The following PAG1 variants were observed in gnomAD, a reference collection of about 807,000 sequenced individuals.
PAG1 encodes the protein phosphoprotein membrane anchor with glycosphingolipid microdomains 1.
In PAG1, 23 loss-of-function variants were observed where a neutral mutation model predicts 31.7. The observed-to-expected ratio is 0.73, with a 90% confidence interval of 0.52 to 1.03. PAG1 has a LOEUF of 1.03. PAG1 is among the 50% of genes least tolerant of loss of function. PAG1 has a pLI of 0.00. For synonymous variants in PAG1, 214 were observed against 210.3 expected, an observed-to-expected ratio of 1.02 and a Z score of -0.15; for missense variants, 473 against 540.7, an observed-to-expected ratio of 0.87 and a Z score of 1.24.
chr8:81,021,613 C>A (rs549416981), intron 3 of PAG1, among the ~76,000 whole-genome samples: 4 of 150,492 alleles, frequency 2.7e-5, no homozygotes, highest in African/African-American at 7.3e-5. Context: ...TTCTATGTAG[C>A]AAATTAAGGG....
chr8:81,038,669 G>T (rs934297334), intron 2 of PAG1, among the ~76,000 whole-genome samples: 15 of 152,066 alleles, frequency 9.9e-5, no homozygotes, highest in African/African-American at 3.6e-4. Flanking sequence ...GTATGTGTGT[G>T]TGTTATGAGA....
chr8:80,993,244 G>T lies in PAG1; in HGVS notation c.-17C>A. On this transcript the variant is annotated 5_prime_UTR_variant, in exon 4 of 9. Transcript: ENST00000220597. ...GGGCCCCATGGCAGGAGCAGGCACT[G>T]GCACCAGCCGAGGGAATCAGTCAGT... 1 of 1,594,382 alleles carries T rather than the reference G, an allele frequency of 6.3e-7. No homozygotes were observed. The highest frequency in any genetic ancestry group is 1.1e-5 in the South Asian group (1 of 88,432).
At chr8:81,094,052 G>A (rs546654563) in intron 1 of PAG1, among the ~76,000 whole-genome samples, 20 of 152,164 alleles carry the variant, frequency 1.3e-4, no homozygotes, top group Admixed American at 2.6e-4. Context: ...AGGATGCTGC[G>A]GTAGGGCTCA....
intron 2 of PAG1, among the ~76,000 whole-genome samples, chr8:81,044,953 G>A (rs1808616854): frequency 6.6e-6 from 1 of 152,042 alleles, no homozygotes; most frequent in African/African-American, 2.4e-5. Flanking sequence ...GTCCTTGTAA[G>A]TGCCCCCTAT....
At chr8:80,982,762 CAT>C (rs1807335110) in intron 7 of PAG1, among the ~76,000 whole-genome samples, 1 of 152,334 alleles carries the variant, frequency 6.6e-6, no homozygotes, top group South Asian at 2.1e-4. Flanking sequence ...ATCTTTCCCA[CAT>C]GTTGGGCCCA....
chr8:81,044,437 G>A (rs1207794012), intron 2 of PAG1, among the ~76,000 whole-genome samples: 1 of 152,170 alleles, frequency 6.6e-6, no homozygotes, highest in Non-Finnish European at 1.5e-5. Context: ...GAATTTTGCT[G>A]CCACAAGCCA....
At chr8:81,106,516 A>C (rs1329517123) in intron 1 of PAG1, among the ~76,000 whole-genome samples, 2 of 152,108 alleles carry the variant, frequency 1.3e-5, no homozygotes, top group East Asian at 3.8e-4. Context: ...TAAATTTTTA[A>C]AACGTTTTTA....
intron 7 of PAG1, among the ~76,000 whole-genome samples, chr8:80,982,731 AT>A (rs1223083944): frequency 6.6e-6 from 1 of 152,110 alleles, no homozygotes; most frequent in African/African-American, 2.4e-5. Flanking sequence ...TATCCTCTTC[AT>A]TTCAGTTAAT....
intron 2 of PAG1, among the ~76,000 whole-genome samples, chr8:81,063,694 AC>A (rs1427762228): frequency 6.6e-6 from 1 of 152,120 alleles, no homozygotes; most frequent in Admixed American, 6.5e-5. Flanking sequence ...AGGCAAAGCA[AC>A]CCCCAAACAC....
At chr8:81,087,018 C>A (rs979524380) in intron 1 of PAG1, among the ~76,000 whole-genome samples, 1 of 152,044 alleles carries the variant, frequency 6.6e-6, no homozygotes, top group African/African-American at 2.4e-5. Context: ...CTCCATGGCC[C>A]ACAAGCTAAG....
intron 3 of PAG1, among the ~76,000 whole-genome samples, chr8:81,028,679 T>A (rs1033677452): frequency 1.3e-5 from 2 of 152,244 alleles, no homozygotes; most frequent in Non-Finnish European, 2.9e-5. Flanking sequence ...AATAGATTTT[T>A]GCAAAATCTC....
intron 1 of PAG1, among the ~76,000 whole-genome samples, chr8:81,104,807 G>A (rs1382027549): frequency 6.6e-6 from 1 of 151,930 alleles, no homozygotes; most frequent in Admixed American, 6.6e-5. Context: ...AGCTTACTTT[G>A]TCTGTCCCTT....
intron 7 of PAG1, among the ~76,000 whole-genome samples, chr8:80,981,043 C>T (rs187899924): frequency 2.4e-4 from 37 of 152,250 alleles, no homozygotes; most frequent in Admixed American, 1.4e-3. Flanking sequence ...CCTCAACAAA[C>T]GTGTACCCTT....
intron 3 of PAG1, among the ~76,000 whole-genome samples, chr8:81,008,136 T>C (rs991219008): frequency 6.6e-6 from 1 of 152,248 alleles, no homozygotes; most frequent in African/African-American, 2.4e-5. Context: ...AGCAATTATT[T>C]CTAACAGTTA....
At position 81,063,454 on chromosome 8, in the gene PAG1, A is replaced by T. The variant is rs1338370433; in HGVS notation, c.-175+6658T>A. ...CTCTGGCCACCTGCAAGACACAAAGACCCAACAGGGAAATTCTTTCTCCAC... is the reference window on the plus strand; with the variant it reads ...CTCTGGCCACCTGCAAGACACAAAGTCCCAACAGGGAAATTCTTTCTCCAC... On this transcript the variant is annotated intron_variant, in intron 2 of 8. Transcript: ENST00000220597. Among the ~76,000 whole-genome samples the T allele has an allele frequency of 2.0e-5, 3 of 152,138 alleles. No homozygotes were observed. The East Asian group carries it at 5.8e-4, about 29-fold the overall frequency.
chr8:81,041,476 G>C (rs1336015198), intron 2 of PAG1, among the ~76,000 whole-genome samples: 1 of 152,134 alleles, frequency 6.6e-6, no homozygotes, highest in Admixed American at 6.5e-5. Flanking sequence ...AGTATTGCGG[G>C]GGCTGCTGTG....
chr8:81,060,084 C>T (rs904607737), intron 2 of PAG1, among the ~76,000 whole-genome samples: 1 of 151,526 alleles, frequency 6.6e-6, no homozygotes, highest in Non-Finnish European at 1.5e-5. Context: ...ATCTGATTAT[C>T]CATCCAAATT....
intron 6 of PAG1, among the ~76,000 whole-genome samples, chr8:80,986,470 G>A (rs1586144352): frequency 6.6e-6 from 1 of 152,318 alleles, no homozygotes; most frequent in East Asian, 1.9e-4. Flanking sequence ...CCTTCCATCA[G>A]CAAGAGTACA....
chr8:81,084,488 G>C (rs1042666889), intron 1 of PAG1, among the ~76,000 whole-genome samples: 1 of 151,938 alleles, frequency 6.6e-6, no homozygotes, highest in Admixed American at 6.6e-5. Flanking sequence ...GTTCTCAAAA[G>C]GTACCCAAAT....
Sources: allele counts gnomAD v4.1 joint callset (sites outside exome capture counted in the v4.1 genomes callset), GRCh38; gene constraint gnomAD v4.1.1; transcripts MANE v1.5; gene names NCBI Gene and HGNC (gene_info 2026-07-23, HGNC 2026-07-21).